MSH4: variants seen among roughly 807,000 people sequenced by gnomAD.
The protein encoded by MSH4 is mutS homolog 4, also known as mutS protein homolog 4.
A neutral mutation model predicts 113.7 loss-of-function variants in MSH4; 106 were observed. The observed-to-expected ratio is 0.93, with a 90% CI of 0.80 to 1.10. MSH4 has a LOEUF of 1.10. MSH4 is among the 50% of genes least tolerant of loss of function. MSH4 has a pLI of 0.00. For missense variants in MSH4, 1,061 were observed against 1,093.7 expected (o/e 0.97, Z 0.42); for synonymous variants, 368 against 380.2 (o/e 0.97, Z 0.37).
At chr1:75,800,699 C>T (rs1649915876) in intron 1 of MSH4, among the ~76,000 whole-genome samples, 1 of 152,054 alleles carries the variant, frequency 6.6e-6, no homozygotes, top group Admixed American at 6.6e-5. Context: ...CAAGCTGGTA[C>T]AATTAACCAT....
At chr1:75,815,750 G>C (rs1650280249) in intron 5 of MSH4, among the ~76,000 whole-genome samples, 1 of 152,070 alleles carries the variant, frequency 6.6e-6, no homozygotes, top group Non-Finnish European at 1.5e-5. Flanking sequence ...ATTTTTCCAG[G>C]CTGGGCACAG....
chr1:75,854,011 GTGTATATA>G (rs1651254997), intron 8 of MSH4, among the ~76,000 whole-genome samples: 1 of 112,134 alleles, frequency 8.9e-6, no homozygotes, highest in Non-Finnish European at 2.0e-5. Context: ...AAGTGTGTGT[GTGTATATA>G]TATATATATG....
At chr1:75,838,237 T>C (rs922750890) in intron 7 of MSH4, among the ~76,000 whole-genome samples, 6 of 152,206 alleles carry the variant, frequency 3.9e-5, no homozygotes, top group African/African-American at 1.4e-4. Flanking sequence ...CCTACATTTC[T>C]TGGCTCTTAG....
chr1:75,902,093 T>C (rs1372086391), intron 19 of MSH4, among the ~76,000 whole-genome samples: 2 of 152,154 alleles, frequency 1.3e-5, no homozygotes, highest in Admixed American at 6.5e-5. Flanking sequence ...GAAACTTCCC[T>C]GAATTTTTTT....
intron 8 of MSH4, among the ~76,000 whole-genome samples, chr1:75,851,308 C>T (rs1215263839): frequency 1.4e-5 from 2 of 148,138 alleles, no homozygotes; most frequent in Non-Finnish European, 3.0e-5. Context: ...CATCTCATTT[C>T]CTTTGTTGGC....
At chr1:75,831,206 T>C (rs1361920565) in intron 7 of MSH4, among the ~76,000 whole-genome samples, 1 of 152,170 alleles carries the variant, frequency 6.6e-6, no homozygotes, top group African/African-American at 2.4e-5. Context: ...CATTACATAA[T>C]GGTAAAGGGG....
At chr1:75,839,774 C>T (rs1399386650) in intron 7 of MSH4, among the ~76,000 whole-genome samples, 2 of 147,070 alleles carry the variant, frequency 1.4e-5, no homozygotes, top group Non-Finnish European at 3.0e-5. Context: ...ACTCATCTGA[C>T]AAAGGGCTAA....
At chr1:75,897,785 T>C (rs943726815) in intron 17 of MSH4, 122 bp from the exon 18 acceptor site, 11 of 504,082 alleles carry the variant, frequency 2.2e-5, no homozygotes, top group Non-Finnish European at 3.3e-5. Context: ...ATTAGTTTTA[T>C]TCCTACATCT....
intron 15 of MSH4, among the ~76,000 whole-genome samples, chr1:75,888,879 A>G (rs947364624): frequency 6.6e-6 from 1 of 150,408 alleles, no homozygotes; most frequent in Non-Finnish European, 1.5e-5. Context: ...AACTTTGTAC[A>G]GTAGGTAGGG....
intron 7 of MSH4, among the ~76,000 whole-genome samples, chr1:75,826,154 T>A (rs1650545817): frequency 6.6e-6 from 1 of 152,202 alleles, no homozygotes; most frequent in Non-Finnish European, 1.5e-5. Flanking sequence ...TTGTTATTGG[T>A]CTAGTCACAG....
intron 9 of MSH4, among the ~76,000 whole-genome samples, chr1:75,876,225 A>C (rs778924085): frequency 6.6e-6 from 1 of 152,174 alleles, no homozygotes; most frequent in Non-Finnish European, 1.5e-5. Context: ...ACACAATGAT[A>C]TAAAATTATT....
At chr1:75,856,303 G>A (rs1218729010) in intron 8 of MSH4, among the ~76,000 whole-genome samples, 1 of 151,524 alleles carries the variant, frequency 6.6e-6, no homozygotes, top group Non-Finnish European at 1.5e-5. Flanking sequence ...CTTTTTTTAT[G>A]TATATTTTAG....
chr1:75,805,352 C>A (rs1650036646), intron 2 of MSH4, among the ~76,000 whole-genome samples: 1 of 150,346 alleles, frequency 6.7e-6, no homozygotes, highest in African/African-American at 2.4e-5. Context: ...AGGGAAATTA[C>A]CTTTTTTATT....
At chr1:75,901,946 GTTTGT>G (rs927558333) in intron 19 of MSH4, among the ~76,000 whole-genome samples, 4 of 151,974 alleles carry the variant, frequency 2.6e-5, no homozygotes, top group Non-Finnish European at 5.9e-5. Flanking sequence ...TTGGCTATAT[GTTTGT>G]TTTGTTTTTT....
chr1:75,867,535 A>G lies in MSH4; in HGVS notation c.1252A>G (p.Ile418Val). 6.3e-7 allele frequency: 1 copy of G among 1,596,882 alleles called. No individual in the cohort carries two copies. The highest frequency in any genetic ancestry group is 8.5e-7 in the Non-Finnish European group (1 of 1,170,800). ...QDTVNAAESK[I>V]TNLIYLKHTL... is the part of the protein sequence containing the mutation. ...ACAGGTCAATGCTGCTGAATCAAAG[A>G]TAACAAATTTAATATACTTAAAACA... The change falls in exon 9 of 20, where the codon ATA becomes GTA. Residue 418 changes from isoleucine (I) to valine (V), a missense_variant. Transcript: ENST00000263187.
chr1:75,885,318 G>GGTGTGTGT (rs58647865), intron 15 of MSH4, among the ~76,000 whole-genome samples: 141 of 105,324 alleles, frequency 1.3e-3, no homozygotes, highest in African/African-American at 5.1e-3. Flanking sequence ...TCACACTGGG[G>GGTGTGTGT]GTGTGTGTGT....
intron 17 of MSH4, among the ~76,000 whole-genome samples, chr1:75,897,569 T>G (rs374243959): frequency 2.6e-5 from 4 of 152,294 alleles, no homozygotes; most frequent in African/African-American, 9.6e-5. Flanking sequence ...TAATAAATGA[T>G]TACTTCAATT....
intron 6 of MSH4, among the ~76,000 whole-genome samples, chr1:75,818,122 C>G (rs1015597561): frequency 1.3e-5 from 2 of 152,146 alleles, no homozygotes; most frequent in African/African-American, 4.8e-5. Context: ...CTCTTCTTAC[C>G]TTCCTATAGT....
chr1:75,825,909 A>G (rs1650539339), intron 7 of MSH4, among the ~76,000 whole-genome samples: 2 of 152,156 alleles, frequency 1.3e-5, no homozygotes, highest in African/African-American at 2.4e-5. Context: ...CATCAGGGAT[A>G]TTGGCCTGAA....
Sources: allele counts gnomAD v4.1 joint callset (sites outside exome capture counted in the v4.1 genomes callset), GRCh38; gene constraint gnomAD v4.1.1; transcripts MANE v1.5; gene names NCBI Gene and HGNC (gene_info 2026-07-23, HGNC 2026-07-21).